The following ERGIC1 variants were observed in gnomAD, a reference collection of about 807,000 sequenced individuals.
The protein encoded by ERGIC1 is endoplasmic reticulum-golgi intermediate compartment 1, also known as endoplasmic reticulum-Golgi intermediate compartment protein 1.
Under a neutral mutation model 38.3 loss-of-function variants are expected in ERGIC1, and 19 were observed. That is an observed-to-expected ratio of 0.50 (90% CI 0.35 to 0.73). The LOEUF (loss-of-function observed/expected upper bound fraction) is 0.73, where lower values mean the gene tolerates loss of function less well. Ranked by LOEUF, ERGIC1 falls within the 30% of genes least tolerant of loss-of-function variation. The pLI, the probability that ERGIC1 is intolerant of heterozygous loss-of-function variation, is 0.01. For missense variants in ERGIC1, 294 were observed against 389.2 expected, an observed-to-expected ratio of 0.76 and a Z score of 2.06; for synonymous variants, 124 against 157.6, an observed-to-expected ratio of 0.79 and a Z score of 1.60.
rs572805262 is a variant in ERGIC1, at chr5:172,926,379, C to G, written c.481-130C>G. On this transcript the variant is annotated intron_variant, in intron 6 of 9. Transcript: ENST00000393784. The surrounding 1 kb of genome is among the most constrained non-coding windows in gnomAD (Gnocchi z 5.2). ...TGCTGCCTCTTGCTCCCCACAAATC[C>G]GCTGGAGCCCCCTTTTACACATTGG... 2.1e-6 allele frequency: 2 copies of G among 934,752 alleles called. No individual in the cohort carries two copies. Among genetic ancestry groups the G allele is most frequent in the East Asian group, 2.5e-5 (1 of 39,548 alleles). 57.9% of individuals were successfully genotyped at this position (934,752 alleles called of 1,614,324 possible). A position where few individuals can be genotyped will look rare whatever the true frequency, so the allele number is the denominator to read the frequency against.
intron 9 of ERGIC1, among the ~76,000 whole-genome samples, chr5:172,942,784 G>A (rs2113485916): frequency 6.6e-6 from 1 of 152,232 alleles, no homozygotes; most frequent in South Asian, 2.1e-4. Flanking sequence ...GAAGAGGAAC[G>A]TGAGACCGAG....
intron 1 of ERGIC1, among the ~76,000 whole-genome samples, chr5:172,872,403 C>T (rs1445915640): frequency 6.6e-6 from 1 of 152,182 alleles, no homozygotes; most frequent in Admixed American, 6.5e-5. Context: ...GGGAGGTGCT[C>T]AGTAAATATC....
At chr5:172,885,810 C>T (rs1044154137) in intron 1 of ERGIC1, among the ~76,000 whole-genome samples, 2 of 152,176 alleles carry the variant, frequency 1.3e-5, no homozygotes, top group African/African-American at 4.8e-5. Context: ...CTTCCAGCTC[C>T]GCAAGGCCTC....
intron 1 of ERGIC1, among the ~76,000 whole-genome samples, chr5:172,881,140 G>A (rs181957668): frequency 1.3e-5 from 2 of 152,096 alleles, no homozygotes; most frequent in Admixed American, 6.5e-5. Context: ...CCAGCTACTC[G>A]GGAGGCTGAG....
intron 1 of ERGIC1, among the ~76,000 whole-genome samples, chr5:172,841,217 C>A (rs906953499): frequency 2.6e-5 from 4 of 152,190 alleles, no homozygotes; most frequent in African/African-American, 9.7e-5. Context: ...AAACCTCCAA[C>A]GCTGGCTGTC....
Position 172,926,476 on chromosome 5 carries a change from T to C in ERGIC1, c.481-33T>C. The C allele has an allele frequency of 3.7e-6, 6 of 1,613,486 alleles. No homozygotes were observed. Among genetic ancestry groups the C allele is most frequent in the Non-Finnish European group, 5.1e-6 (6 of 1,179,788 alleles). On this transcript the variant is annotated intron_variant, in intron 6 of 9. Transcript: ENST00000393784. This position sits in a 1 kb window ranked among gnomAD's most constrained non-coding sequence, Gnocchi z 5.2. ...GCCAGGCCTGGAGGTGGAGGTGTCC[T>C]GGGGACCATCCCCTCACTGCATTTT...
At chr5:172,876,989 A>C (rs565355429) in intron 1 of ERGIC1, among the ~76,000 whole-genome samples, 3 of 152,334 alleles carry the variant, frequency 2.0e-5, no homozygotes, top group Non-Finnish European at 2.9e-5. Context: ...TTCTTTTATT[A>C]CTTGAGCTTT....
intron 4 of ERGIC1, among the ~76,000 whole-genome samples, chr5:172,912,979 G>A (rs189455582): frequency 1.2e-4 from 19 of 152,260 alleles, no homozygotes; most frequent in Admixed American, 2.6e-4. Context: ...ATATTGGCCA[G>A]GCTGGTCTCG....
At position 172,888,754 on chromosome 5, in the gene ERGIC1, G is replaced by A; in HGVS notation, c.76G>A (p.Ala26Thr). 1 of 1,614,126 alleles carries A rather than the reference G, an allele frequency of 6.2e-7. No individual in the cohort carries two copies. Among genetic ancestry groups the A allele is most frequent in the South Asian group, 1.1e-5 (1 of 91,088 alleles). Residue 26 changes from alanine (A) to threonine (T), a missense_variant, in exon 2 of 10, where the codon GCC (alanine) becomes ACC (threonine). This residue lies in a region of ERGIC1 where 163 missense variants were observed against 225.8 expected (regional missense o/e 0.72). Transcript: ENST00000393784. ...CCTTACGCAGCCAACGTACACCGGG[G>A]CCATTAGTGAGTAGCCAACCTCTGG... is the stretch of plus-strand genomic sequence containing the variant. Reference protein sequence around the residue: ...KDLTQPTYTGAIISICCCLFI... With the variant: ...KDLTQPTYTGTIISICCCLFI...
At position 172,932,480 on chromosome 5, in the gene ERGIC1, T is replaced by C; in HGVS notation, c.586T>C (p.Tyr196His). ...DYILKIVPTV[Y>H]EDKSGKQRYS... ...CATCCTGAAGATTGTGCCCACGGTT[T>C]ATGAGGACAAGAGTGGCAAGCAGCG... Residue 196 changes from tyrosine to histidine, a missense_variant, in exon 8 of 10, where the codon TAT becomes CAT. Transcript: ENST00000393784. 6.2e-7 allele frequency: 1 copy of C among 1,614,180 alleles called. No individual in the cohort carries two copies. Among genetic ancestry groups the C allele is most frequent in the Non-Finnish European group, 8.5e-7 (1 of 1,180,040 alleles).
chr5:172,850,664 G>C (rs1761381267), intron 1 of ERGIC1, among the ~76,000 whole-genome samples: 4 of 152,106 alleles, frequency 2.6e-5, no homozygotes, highest in Admixed American at 2.0e-4. Context: ...CTGACCCCAA[G>C]CAGCTGCTGT....
intron 1 of ERGIC1, among the ~76,000 whole-genome samples, chr5:172,869,779 G>A (rs971167231): frequency 1.1e-4 from 16 of 152,160 alleles, no homozygotes; most frequent in African/African-American, 1.4e-4. Flanking sequence ...TGGGACACCC[G>A]TTCTTCCTTG....
At chr5:172,950,546 T>C (rs550422996) in intron 9 of ERGIC1, among the ~76,000 whole-genome samples, 163 bp from the exon 10 acceptor site, 24 of 152,370 alleles carry the variant, frequency 1.6e-4, no homozygotes, top group Non-Finnish European at 3.1e-4. Flanking sequence ...CTTTGAGCCC[T>C]AAGTATGTTC....
intron 2 of ERGIC1, among the ~76,000 whole-genome samples, chr5:172,894,005 G>A (rs1370392213): frequency 7.3e-6 from 1 of 137,264 alleles, no homozygotes; most frequent in Non-Finnish European, 1.6e-5. Flanking sequence ...ATCGGGGGCT[G>A]CAGATCAGGA....
chr5:172,940,807 CCT>C (rs1161889364), intron 9 of ERGIC1, among the ~76,000 whole-genome samples: 1 of 152,212 alleles, frequency 6.6e-6, no homozygotes, highest in African/African-American at 2.4e-5. Flanking sequence ...TCTCTGCTGC[CCT>C]CTTTCATGCT....
chr5:172,867,472 C>T (rs1334083342), intron 1 of ERGIC1: 1 of 414,214 alleles, frequency 2.4e-6, no homozygotes, highest in Non-Finnish European at 4.9e-6. Flanking sequence ...CAACTGCTGG[C>T]TGGCCTTGGC....
Position 172,950,147 on chromosome 5 carries a change from G to A in ERGIC1, c.766-562G>A, listed in dbSNP as rs574633116. Among the ~76,000 whole-genome samples the A allele has an allele frequency of 2.6e-5, 4 of 152,322 alleles. No homozygotes were observed. In the South Asian group the frequency reaches 8.3e-4, roughly 32 times the overall value. ...TCTGTCCTTTGTAGCACTTGCCTTG[G>A]CTATAATTTTGCATTTATTGGTATG... On this transcript the variant is annotated intron_variant, in intron 9 of 9. Transcript: ENST00000393784.
rs1419772946 is a variant in ERGIC1, at chr5:172,855,449, C to T, written c.20+21016C>T. The stretch of plus-strand genomic sequence containing the variant: ...TCTGTTGCATGTTTACTATGTGCTG[C>T]GCCCTGTGCTGAGGCTGGAGTACCT... On this transcript the variant is annotated intron_variant, in intron 1 of 9. Transcript: ENST00000393784. Among the ~76,000 whole-genome samples the T allele has an allele frequency of 3.9e-5, 6 of 152,316 alleles. No homozygotes were observed. The South Asian group carries it at 1.0e-3, about 26-fold the overall frequency.
intron 1 of ERGIC1, among the ~76,000 whole-genome samples, chr5:172,873,574 G>A (rs562590123): frequency 2.0e-5 from 3 of 152,356 alleles, no homozygotes; most frequent in African/African-American, 4.8e-5. Context: ...GGAGAGCAGC[G>A]ATGAGTACAG....
Sources: allele counts gnomAD v4.1 joint callset (sites outside exome capture counted in the v4.1 genomes callset), GRCh38; gene constraint gnomAD v4.1.1; regional missense constraint gnomAD v4.1.1; non-coding constraint Gnocchi (gnomAD v3.1); transcripts MANE v1.5; gene names NCBI Gene and HGNC (gene_info 2026-07-23, HGNC 2026-07-21).